UGGT2: variants seen among roughly 807,000 people sequenced by gnomAD.
UGGT2 encodes UDP-glucose glycoprotein glucosyltransferase 2, also known as UDP-glucose:glycoprotein glucosyltransferase 2.
UGGT2 carries 180 observed loss-of-function variants against 192.1 expected under a neutral mutation model. The ratio of observed to expected loss-of-function variants is 0.94; its 90% CI spans 0.83 to 1.06. UGGT2 has a LOEUF of 1.06. UGGT2 is among the 50% of genes least tolerant of loss of function. The probability of loss-of-function intolerance (pLI) is 0.00; values close to 1 mark genes in which losing one functional copy is unlikely to be tolerated. For missense variants in UGGT2, 1,849 were observed against 1,795.7 expected, an observed-to-expected ratio of 1.03 and a Z score of -0.54; for synonymous variants, 580 against 591.0, an observed-to-expected ratio of 0.98 and a Z score of 0.27.
At chr13:96,048,522 T>A (rs139795435) in intron 1 of UGGT2, among the ~76,000 whole-genome samples, 6 of 151,750 alleles carry the variant, frequency 4.0e-5, no homozygotes, top group African/African-American at 1.5e-4. Context: ...AAGAAAACCA[T>A]TCAAAAAAAT....
intron 38 of UGGT2, chr13:95,809,470 G>A (rs924031023): frequency 2.7e-6 from 1 of 364,598 alleles, no homozygotes. Context: ...CGTTCTGTCT[G>A]GAGATTTACC....
chr13:95,912,708 G>A (rs1387721400), intron 20 of UGGT2, among the ~76,000 whole-genome samples: 1 of 152,060 alleles, frequency 6.6e-6, no homozygotes, highest in Non-Finnish European at 1.5e-5. Context: ...AGCTACCAAT[G>A]ACTTTCTTCA....
chr13:95,927,134 AT>A lies in UGGT2; in HGVS notation c.2102-9del. On this transcript the variant is annotated splice_polypyrimidine_tract_variant and intron_variant, in intron 18 of 38. Coordinates refer to ENST00000376747, the MANE Select transcript of UGGT2 (RefSeq NM_020121.4). ...CTTCAACATCAGCAGTTACTGAAAAATTTCAAATTAAACGTTAAATATAAAT... is the reference window on the plus strand; with the variant it reads ...CTTCAACATCAGCAGTTACTGAAAAATTCAAATTAAACGTTAAATATAAAT... 6.2e-7 allele frequency: 1 copy of A among 1,606,884 alleles called. No individual in the cohort carries two copies.
intron 29 of UGGT2, among the ~76,000 whole-genome samples, chr13:95,869,632 G>T (rs1216068224): frequency 2.6e-5 from 4 of 152,104 alleles, no homozygotes; most frequent in Non-Finnish European, 5.9e-5. Flanking sequence ...GATCCAAATT[G>T]AGTCTAGATA....
intron 33 of UGGT2, among the ~76,000 whole-genome samples, chr13:95,859,080 T>TA (rs939075239): frequency 6.6e-6 from 1 of 152,084 alleles, no homozygotes; most frequent in African/African-American, 2.4e-5. Context: ...TAGGGCTGAG[T>TA]AAAGGGTAAT....
At chr13:95,972,938 AGGTG>A (rs531976000) in intron 10 of UGGT2, among the ~76,000 whole-genome samples, 16 of 152,350 alleles carry the variant, frequency 1.1e-4, no homozygotes, top group African/African-American at 3.8e-4. Context: ...TGGGAGGCCG[AGGTG>A]GGTGGATCAC....
chr13:95,929,317 C>A (rs910417029), intron 17 of UGGT2, among the ~76,000 whole-genome samples: 1 of 152,206 alleles, frequency 6.6e-6, no homozygotes, highest in Non-Finnish European at 1.5e-5. Flanking sequence ...ATTTTAGATT[C>A]GAGGGTACAC....
At chr13:95,843,225 A>G (rs1888045649) in intron 36 of UGGT2, among the ~76,000 whole-genome samples, 1 of 152,214 alleles carries the variant, frequency 6.6e-6, no homozygotes, top group Non-Finnish European at 1.5e-5. Context: ...GCCATTTTAC[A>G]CTCATTTTCA....
At chr13:96,027,129 A>G (rs2052694013) in intron 2 of UGGT2, among the ~76,000 whole-genome samples, 1 of 152,228 alleles carries the variant, frequency 6.6e-6, no homozygotes, top group Non-Finnish European at 1.5e-5. Flanking sequence ...TTCTTAAAAT[A>G]CTTATAGTTA....
intron 1 of UGGT2, among the ~76,000 whole-genome samples, chr13:96,049,297 A>C (rs2053415587): frequency 6.6e-6 from 1 of 152,014 alleles, no homozygotes. Flanking sequence ...CATGCTAAAA[A>C]CTCTCAAATT....
rs200422687 is a variant in UGGT2 at position 95,837,143 on chromosome 13, C to T, written c.4344G>A (p.Leu1448=). ...CATCATCACACCAGGTTTCACACCA[C>T]AGCCAGTCTTGAGGAAGAGACTTAA... The part of the protein sequence containing the change: ...VAIKSLPQDW[L]WCETWCDDES... The change falls in exon 37 of 39, where the codon CTG becomes CTA. Residue 1448 remains leucine, a synonymous_variant. Transcript: ENST00000376747. The T allele has an allele frequency of 1.5e-3, 2,359 of 1,614,044 alleles. 59 individuals are homozygous for T. In the South Asian group the frequency reaches 0.024, roughly 16 times the overall value.
intron 8 of UGGT2, among the ~76,000 whole-genome samples, chr13:95,987,355 G>C (rs1229671432): frequency 2.0e-5 from 3 of 151,914 alleles, no homozygotes; most frequent in South Asian, 2.1e-4. Context: ...CTTGCTTTTA[G>C]TCCATTGAAA....
At chr13:95,945,546 T>A (rs747549994) in intron 15 of UGGT2, among the ~76,000 whole-genome samples, 1 of 152,126 alleles carries the variant, frequency 6.6e-6, no homozygotes, top group African/African-American at 2.4e-5. Context: ...ACATGTAAAT[T>A]AATGTCTGAT....
intron 20 of UGGT2, among the ~76,000 whole-genome samples, chr13:95,910,831 A>G (rs1045726446): frequency 2.2e-4 from 34 of 152,136 alleles, no homozygotes; most frequent in African/African-American, 7.7e-4. Flanking sequence ...CGACTACATA[A>G]CTGGAAGTAA....
chr13:95,912,194 T>A (rs2048522052), intron 20 of UGGT2, among the ~76,000 whole-genome samples: 1 of 152,188 alleles, frequency 6.6e-6, no homozygotes, highest in Admixed American at 6.5e-5. Flanking sequence ...GGATGCTCTC[T>A]CTCACCACTC....
At chr13:95,982,662 G>C (rs2051165630) in intron 10 of UGGT2, among the ~76,000 whole-genome samples, 2 of 152,030 alleles carry the variant, frequency 1.3e-5, no homozygotes, top group South Asian at 4.2e-4. Context: ...AGAGAGAGCT[G>C]TTCTCCTTTC....
rs562569247 is a variant in UGGT2 at position 96,053,266 on chromosome 13, G to A, written c.47C>T (p.Ser16Phe). 7 of 1,572,890 alleles carry A rather than the reference G, an allele frequency of 4.5e-6. No homozygotes were observed. The highest frequency in any genetic ancestry group is 6.0e-6 in the Non-Finnish European group (7 of 1,167,638). The change falls in exon 1 of 39, where the codon TCC becomes TTC. Residue 16 changes from serine (S) to phenylalanine (F), a missense_variant. Transcript: ENST00000376747. ...GAGCTGCGAAAGCCACAGCGCTGTG[G>A]AGCCTAGTAGCAGCCGCACCACGTT... ...ATNVVRLLLG[S>F]TALWLSQLGS...
chr13:95,995,723 T>C lies in UGGT2; in HGVS notation c.830+340A>G, dbSNP rs141397878. 2.6e-5 allele frequency among the ~76,000 whole-genome samples: 4 copies of C among 152,304 alleles called. No individual in the cohort carries two copies. In the East Asian group the frequency reaches 7.7e-4, roughly 29 times the overall value. ...ATGTGAAAAAAACAGCTACACACTA[T>C]GGTTCTACTGTGCAAAACAATATGT... On this transcript the variant is annotated intron_variant, in intron 7 of 38. Transcript: ENST00000376747.
chr13:95,825,294 G>A (rs560016654), intron 38 of UGGT2, among the ~76,000 whole-genome samples: 1 of 152,260 alleles, frequency 6.6e-6, no homozygotes, highest in South Asian at 2.1e-4. Context: ...TAAAGCAGGT[G>A]GTAAATGTAA....
Sources: allele counts gnomAD v4.1 joint callset (sites outside exome capture counted in the v4.1 genomes callset), GRCh38; gene constraint gnomAD v4.1.1; transcripts MANE v1.5; gene names NCBI Gene and HGNC (gene_info 2026-07-23, HGNC 2026-07-21).